DCC: variants seen among roughly 807,000 people sequenced by gnomAD.
The protein encoded by DCC is netrin receptor DCC.
In DCC, 58 loss-of-function variants were observed where a neutral mutation model predicts 172.5. That is an observed-to-expected ratio of 0.34 (90% confidence interval 0.27 to 0.42). The LOEUF (loss-of-function observed/expected upper bound fraction) is 0.42. Ranked by LOEUF, DCC falls within the 10% of genes least tolerant of loss-of-function variation. The pLI is 1.00. For missense variants in DCC, 1,740 were observed against 1,791.0 expected, an observed-to-expected ratio of 0.97 and a Z score of 0.51; for synonymous variants, 709 against 644.5, an observed-to-expected ratio of 1.10 and a Z score of -1.52.
At chr18:52,977,894 AAG>A (rs1263466665) in intron 5 of DCC, among the ~76,000 whole-genome samples, 36 of 147,686 alleles carry the variant, frequency 2.4e-4, no homozygotes, top group Admixed American at 1.4e-4. Context: ...CAAAAAAAAA[AAG>A]AAAAGAAAAA....
intron 13 of DCC, among the ~76,000 whole-genome samples, chr18:53,310,940 C>A (rs2057258386): frequency 6.7e-6 from 1 of 150,316 alleles, no homozygotes; most frequent in Non-Finnish European, 1.5e-5. Context: ...AAAAGCATTG[C>A]TAGTTACACC....
At chr18:52,461,642 T>C (rs1388373352) in intron 1 of DCC, among the ~76,000 whole-genome samples, 1 of 152,234 alleles carries the variant, frequency 6.6e-6, no homozygotes, top group Admixed American at 6.5e-5. Context: ...TTTTCAGTTC[T>C]TGTATAACCT....
chr18:53,004,793 T>G (rs1410039154), intron 5 of DCC, among the ~76,000 whole-genome samples: 1 of 152,188 alleles, frequency 6.6e-6, no homozygotes, highest in Non-Finnish European at 1.5e-5. Context: ...ATCTGGTTAT[T>G]CCTCCTTGGA....
At chr18:53,442,034 G>A (rs1196708189) in intron 22 of DCC, among the ~76,000 whole-genome samples, 3 of 152,134 alleles carry the variant, frequency 2.0e-5, no homozygotes, top group African/African-American at 7.2e-5. Context: ...TCATGCTTCA[G>A]CCTGTTGCTT....
intron 2 of DCC, among the ~76,000 whole-genome samples, chr18:52,784,909 GGAGAGA>G (rs201862478): frequency 7.0e-6 from 1 of 143,796 alleles, no homozygotes; most frequent in African/African-American, 2.6e-5. Context: ...AGGTGGAGGG[GGAGAGA>G]GAGAGAGAAG....
rs376301878 is a variant in DCC at position 52,473,825 on chromosome 18, A to G, written c.91+132947A>G. Reference sequence around the variant, plus strand: ...TACTTTCCCTCAAGACCTTTGTTTTATTCCTCAGCAGAGTCATTGATTGTG... The same window carrying G: ...TACTTTCCCTCAAGACCTTTGTTTTGTTCCTCAGCAGAGTCATTGATTGTG... On this transcript the variant is annotated intron_variant, in intron 1 of 28. Transcript: ENST00000442544. Among the ~76,000 whole-genome samples the G allele has an allele frequency of 5.9e-4, 90 of 152,186 alleles. 1 individual carries two copies. Among genetic ancestry groups the G allele is most frequent in the African/African-American group, 2.1e-3 (86 of 41,530 alleles).
intron 1 of DCC, among the ~76,000 whole-genome samples, chr18:52,425,225 T>C (rs1263690523): frequency 6.6e-6 from 1 of 152,158 alleles, no homozygotes; most frequent in Non-Finnish European, 1.5e-5. Context: ...TGATGTTACT[T>C]GTCAATTTTC....
chr18:53,193,014 T>C (rs1464338761), intron 9 of DCC, among the ~76,000 whole-genome samples: 1 of 152,166 alleles, frequency 6.6e-6, no homozygotes, highest in Non-Finnish European at 1.5e-5. Context: ...CTTAAATCCC[T>C]GCCCTTCTTT....
intron 1 of DCC, among the ~76,000 whole-genome samples, chr18:52,448,255 G>T (rs1264953171): frequency 1.3e-5 from 2 of 152,164 alleles, no homozygotes; most frequent in African/African-American, 4.8e-5. Flanking sequence ...ACAATATGAG[G>T]TGAAACAGTT....
chr18:52,761,297 A>G (rs2037156537), intron 2 of DCC, among the ~76,000 whole-genome samples: 1 of 152,182 alleles, frequency 6.6e-6, no homozygotes, highest in Non-Finnish European at 1.5e-5. Context: ...CCATGATTCA[A>G]TTACCTCCCA....
chr18:53,516,713 G>T (rs1409776126), intron 27 of DCC, among the ~76,000 whole-genome samples: 1 of 149,510 alleles, frequency 6.7e-6, no homozygotes, highest in Non-Finnish European at 1.5e-5. Flanking sequence ...ATCATCACTG[G>T]CCATCAGAGA....
chr18:53,518,417 A>C (rs1259150443), intron 27 of DCC, among the ~76,000 whole-genome samples: 1 of 152,132 alleles, frequency 6.6e-6, no homozygotes, highest in African/African-American at 2.4e-5. Flanking sequence ...ACCCCAAAAA[A>C]TTATTTTACA....
chr18:53,475,330 T>C lies in DCC; in HGVS notation c.3736+7320T>C, dbSNP rs901480317. On this transcript the variant is annotated intron_variant, in intron 25 of 28. Coordinates refer to ENST00000442544, the MANE Select transcript of DCC (RefSeq NM_005215.4). ...TTAATCCACAATATAATAGGGGAAA[T>C]GTTTCCAGGGCATGTCAGAAGTCTT... 2.6e-5 allele frequency among the ~76,000 whole-genome samples: 4 copies of C among 152,100 alleles called. No individual in the cohort carries two copies. In the East Asian group the frequency reaches 7.7e-4, roughly 29 times the overall value.
chr18:53,496,021 G>A (rs181988115), intron 26 of DCC, among the ~76,000 whole-genome samples: 10 of 152,264 alleles, frequency 6.6e-5, no homozygotes, highest in Middle Eastern at 3.4e-3. Flanking sequence ...GGGCAGCTAT[G>A]GGCACAGCTT....
rs1568075071 is a variant in DCC, at chr18:53,351,395, TACAGTGTATATATATATATATACAC to T, written c.2359+11491_2359+11515del. On this transcript the variant is annotated intron_variant, in intron 15 of 28. Coordinates refer to ENST00000442544, the MANE Select transcript of DCC (RefSeq NM_005215.4). Reference sequence around the variant, plus strand: ...TATATATATATACAGTATATATATATACAGTGTATATATATATATATACACACTGTGTATATATATATACAGTGTA... The same window carrying T: ...TATATATATATACAGTATATATATATACTGTGTATATATATATACAGTGTA... 1.6e-3 allele frequency among the ~76,000 whole-genome samples: 47 copies of T among 29,758 alleles called. 2 individuals are homozygous for T. The highest frequency in any genetic ancestry group is 6.1e-3 in the African/African-American group (45 of 7,408). The allele number at this position is 29,758 out of a possible 152,430, so 19.5% of individuals were successfully genotyped here.
intron 5 of DCC, among the ~76,000 whole-genome samples, chr18:53,022,329 T>C (rs2041892146): frequency 6.6e-6 from 1 of 151,948 alleles, no homozygotes; most frequent in Non-Finnish European, 1.5e-5. Context: ...CTCTGTGGAG[T>C]TGGGCCGGTT....
chr18:53,230,690 G>C (rs144894701), intron 12 of DCC, among the ~76,000 whole-genome samples: 1 of 151,858 alleles, frequency 6.6e-6, no homozygotes, highest in Non-Finnish European at 1.5e-5. Context: ...CCCTTACTTT[G>C]AATTATATGT....
chr18:53,271,081 A>G (rs140581105), intron 12 of DCC, among the ~76,000 whole-genome samples: 1 of 152,094 alleles, frequency 6.6e-6, no homozygotes, highest in Non-Finnish European at 1.5e-5. Flanking sequence ...AGATTTTGCT[A>G]CTCACCACTG....
chr18:52,928,396 T>C (rs2040252204), intron 5 of DCC, among the ~76,000 whole-genome samples: 1 of 152,044 alleles, frequency 6.6e-6, no homozygotes, highest in Admixed American at 6.6e-5. Flanking sequence ...ATGCAACTTA[T>C]CTATATAACA....
Sources: gnomAD v4.1 joint callset for allele counts (sites outside exome capture counted in the v4.1 genomes callset) on GRCh38, gnomAD v4.1.1 for gene constraint, MANE v1.5 for transcripts, NCBI Gene and HGNC (gene_info 2026-07-23, HGNC 2026-07-21) for gene names.